VAPA: variants seen among roughly 807,000 people sequenced by gnomAD.
VAPA encodes vesicle-associated membrane protein-associated protein A.
A neutral mutation model predicts 25.6 loss-of-function variants in VAPA; 6 were observed. The ratio of observed to expected loss-of-function variants is 0.23; its 90% CI spans 0.13 to 0.46. The LOEUF (loss-of-function observed/expected upper bound fraction) is 0.46, where lower values mean the gene tolerates loss of function less well. Among genes scored for constraint, VAPA ranks in the 20% least tolerant of loss-of-function variants. The pLI, the probability that VAPA is intolerant of heterozygous loss-of-function variation, is 0.99. For missense variants in VAPA, 244 were observed against 302.1 expected (o/e 0.81, Z 1.43); for synonymous variants, 112 against 106.2 (o/e 1.05, Z -0.34).
chr18:9,937,839 C>G (rs1407587035), intron 4 of VAPA, among the ~76,000 whole-genome samples: 1 of 152,104 alleles, frequency 6.6e-6, no homozygotes, highest in Admixed American at 6.5e-5. Flanking sequence ...CTGCCTTAAT[C>G]TAGTGGCCAT....
intron 4 of VAPA, among the ~76,000 whole-genome samples, chr18:9,939,516 CTCT>C (rs1441731709): frequency 8.3e-6 from 1 of 119,964 alleles, no homozygotes; most frequent in Non-Finnish European, 1.8e-5. Context: ...TACGTTTCCT[CTCT>C]TTTTTTTTTT....
intron 1 of VAPA, among the ~76,000 whole-genome samples, chr18:9,917,308 A>AT (rs1436257084): frequency 7.2e-5 from 11 of 151,932 alleles, no homozygotes; most frequent in African/African-American, 2.7e-4. Flanking sequence ...GTTTTTTTAA[A>AT]TTTTTTTATT....
chr18:9,930,880 A>C (rs2069247565), intron 1 of VAPA, among the ~76,000 whole-genome samples: 1 of 152,130 alleles, frequency 6.6e-6, no homozygotes, highest in Non-Finnish European at 1.5e-5. Flanking sequence ...CATAGCATAA[A>C]ATCATTTTGC....
chr18:9,949,327 C>T (rs1482510217), intron 4 of VAPA: 1 of 152,132 alleles, frequency 6.6e-6, no homozygotes, highest in African/African-American at 2.4e-5. Context: ...TTCATTAGAA[C>T]CTCATTATAA....
chr18:9,943,383 G>T (rs1253733226), intron 4 of VAPA, among the ~76,000 whole-genome samples: 1 of 151,634 alleles, frequency 6.6e-6, no homozygotes, highest in Non-Finnish European at 1.5e-5. Flanking sequence ...ACAAGCATAA[G>T]CAAATACCAT....
chr18:9,949,391 A>G (rs2069462905), intron 4 of VAPA: 1 of 152,182 alleles, frequency 6.6e-6, no homozygotes, highest in Admixed American at 6.5e-5. Context: ...ATCAAATCAC[A>G]TCCCCTTCAT....
intron 5 of VAPA, among the ~76,000 whole-genome samples, chr18:9,952,675 T>C (rs2069502979): frequency 2.0e-5 from 3 of 152,190 alleles, no homozygotes; most frequent in Admixed American, 6.5e-5. Context: ...TGCTCCTGTC[T>C]GTTCACTATC....
At chr18:9,926,837 G>A (rs940990772) in intron 1 of VAPA, among the ~76,000 whole-genome samples, 2 of 152,042 alleles carry the variant, frequency 1.3e-5, no homozygotes, top group African/African-American at 4.8e-5. Flanking sequence ...ATACATTCTT[G>A]AAAAGATAGC....
At chr18:9,915,026 G>C (rs1356131955) in intron 1 of VAPA, 1 of 152,600 alleles carries the variant, frequency 6.6e-6, no homozygotes, top group African/African-American at 2.4e-5. Context: ...CCTTGGAGGT[G>C]CCTGGCGAGG....
chr18:9,948,012 T>C (rs894012025), intron 4 of VAPA: 5 of 152,244 alleles, frequency 3.3e-5, no homozygotes, highest in Admixed American at 6.5e-5. Flanking sequence ...GTATGTGATA[T>C]AACTTATTGG....
At chr18:9,921,943 A>G (rs1305606902) in intron 1 of VAPA, among the ~76,000 whole-genome samples, 1 of 152,190 alleles carries the variant, frequency 6.6e-6, no homozygotes, top group Non-Finnish European at 1.5e-5. Context: ...ACATTTTACT[A>G]TAATCATACG....
rs572102556 is a variant in VAPA, at chr18:9,957,676, A to G, written c.*3465A>G. On this transcript the variant is annotated 3_prime_UTR_variant, in exon 6 of 6. Coordinates refer to ENST00000400000, the MANE Select transcript of VAPA (RefSeq NM_194434.3). ...TAAAGGGAAATTAAACCATTCATGA[A>G]TAAACTTTAAAAATGTGAAGTGTCC... is the stretch of plus-strand genomic sequence containing the variant. 6.6e-6 allele frequency: 1 copy of G among 152,290 alleles called. No individual in the cohort carries two copies. The highest frequency in any genetic ancestry group is 2.1e-4 in the South Asian group (1 of 4,822). 9.4% of individuals were successfully genotyped at this position (152,290 alleles called of 1,614,324 possible).
At chr18:9,927,364 T>G (rs1445862894) in intron 1 of VAPA, among the ~76,000 whole-genome samples, 1 of 152,148 alleles carries the variant, frequency 6.6e-6, no homozygotes, top group Non-Finnish European at 1.5e-5. Flanking sequence ...CCACAATTGA[T>G]TCTCTTTGCA....
At position 9,958,133 on chromosome 18, in the gene VAPA, C is replaced by T. The variant is rs1406903354; in HGVS notation, c.*3922C>T. On this transcript the variant is annotated 3_prime_UTR_variant, in exon 6 of 6. Coordinates refer to ENST00000400000, the MANE Select transcript of VAPA (RefSeq NM_194434.3). ...TGCTAGGAACATTTCATTCATTTCC[C>T]TGTAATATTAATGTTCTTTAAGCAT... 6.6e-6 allele frequency: 1 copy of T among 152,182 alleles called. No individual in the cohort carries two copies. The highest frequency in any genetic ancestry group is 2.4e-5 in the African/African-American group (1 of 41,446). 9.4% of individuals were successfully genotyped at this position (152,182 alleles called of 1,614,324 possible).
intron 5 of VAPA, 113 bp from the exon 6 acceptor site, chr18:9,953,940 C>G: frequency 7.5e-7 from 1 of 1,332,350 alleles, no homozygotes; most frequent in South Asian, 1.3e-5. Context: ...CTTTTCCGTC[C>G]CCAGCCATAG....
At chr18:9,932,751 G>C (rs982463264) in intron 2 of VAPA, among the ~76,000 whole-genome samples, 2 of 152,180 alleles carry the variant, frequency 1.3e-5, no homozygotes, top group African/African-American at 4.8e-5. Context: ...TAATAACACA[G>C]GGAGCAGGAA....
chr18:9,940,121 T>C (rs76534895), intron 4 of VAPA, among the ~76,000 whole-genome samples: 1 of 152,240 alleles, frequency 6.6e-6, no homozygotes, highest in Non-Finnish European at 1.5e-5. Flanking sequence ...TGATGTACAG[T>C]TGATCTTCCA....
rs2069570240 is a variant in VAPA at position 9,958,199 on chromosome 18, A to C, written c.*3988A>C. 1 of 152,210 alleles carries C rather than the reference A, an allele frequency of 6.6e-6. No homozygotes were observed. Among genetic ancestry groups the C allele is most frequent in the Non-Finnish European group, 1.5e-5 (1 of 68,032 alleles). The allele number at this position is 152,210 out of a possible 1,614,324, so 9.4% of individuals were successfully genotyped here. On this transcript the variant is annotated 3_prime_UTR_variant, in exon 6 of 6. Coordinates refer to ENST00000400000, the MANE Select transcript of VAPA (RefSeq NM_194434.3). ...GTTGTATCCTATTTTTTTCCAGCTT[A>C]ATTTCTGTGGTTTATTGAAAACCAA...
intron 1 of VAPA, among the ~76,000 whole-genome samples, chr18:9,929,636 G>A (rs759461599): frequency 6.6e-6 from 1 of 152,112 alleles, no homozygotes; most frequent in Non-Finnish European, 1.5e-5. Flanking sequence ...TTCTTTCCGT[G>A]ACTTTTTTAA....
Sources: gnomAD v4.1 joint callset for allele counts (sites outside exome capture counted in the v4.1 genomes callset) on GRCh38, gnomAD v4.1.1 for gene constraint, MANE v1.5 for transcripts, NCBI Gene and HGNC (gene_info 2026-07-23, HGNC 2026-07-21) for gene names.